The following ROBO2 variants were observed in gnomAD, a reference collection of about 807,000 sequenced individuals.
ROBO2 encodes roundabout guidance receptor 2.
ROBO2 carries 53 observed loss-of-function variants against 160.8 expected under a neutral mutation model. The ratio of observed to expected loss-of-function variants is 0.33; its 90% confidence interval spans 0.26 to 0.41. The LOEUF is 0.41. ROBO2 is among the 10% of genes least tolerant of loss of function. The probability of loss-of-function intolerance (pLI) is 1.00; values close to 1 mark genes in which losing one functional copy is unlikely to be tolerated. For missense variants in ROBO2, 1,577 were observed against 1,722.4 expected, an observed-to-expected ratio of 0.92 and a Z score of 1.49; for synonymous variants, 664 against 611.7, an observed-to-expected ratio of 1.09 and a Z score of -1.26.
intron 2 of ROBO2, among the ~76,000 whole-genome samples, chr3:76,337,296 C>G (rs185894467): frequency 1.2e-4 from 19 of 152,228 alleles, no homozygotes; most frequent in African/African-American, 4.6e-4. Context: ...CTAGAAAATA[C>G]TAAAAACTCT....
chr3:76,797,737 C>T (rs1225180149), intron 2 of ROBO2, among the ~76,000 whole-genome samples: 2 of 151,466 alleles, frequency 1.3e-5, no homozygotes, highest in Non-Finnish European at 2.9e-5. Context: ...AAAAGGGAGA[C>T]ATTAAAATTG....
chr3:76,060,881 A>G (rs569327793), intron 2 of ROBO2, among the ~76,000 whole-genome samples: 10 of 152,268 alleles, frequency 6.6e-5, no homozygotes, highest in African/African-American at 2.2e-4. Context: ...TCTCATGATC[A>G]TCCCTGTTCC....
chr3:76,519,340 G>A (rs1413232254), intron 2 of ROBO2, among the ~76,000 whole-genome samples: 2 of 152,122 alleles, frequency 1.3e-5, no homozygotes, highest in Admixed American at 1.3e-4. Flanking sequence ...AGTATGAATT[G>A]CAAAGCTGAA....
At chr3:77,123,895 A>G (rs1337029937) in intron 2 of ROBO2, among the ~76,000 whole-genome samples, 2 of 134,458 alleles carry the variant, frequency 1.5e-5, no homozygotes, top group Non-Finnish European at 3.3e-5. Flanking sequence ...ATAGATACAC[A>G]TATCTATGTA....
intron 5 of ROBO2, among the ~76,000 whole-genome samples, chr3:77,500,410 G>C (rs971439773): frequency 6.6e-6 from 1 of 152,096 alleles, no homozygotes; most frequent in Admixed American, 6.6e-5. Flanking sequence ...TTTTAAATGA[G>C]AGGGCATGAT....
chr3:76,745,853 T>C (rs1451611128), intron 2 of ROBO2, among the ~76,000 whole-genome samples: 1 of 150,272 alleles, frequency 6.7e-6, no homozygotes, highest in African/African-American at 2.4e-5. Context: ...ATTATTATAC[T>C]TTAAGTTTTA....
At chr3:77,299,368 C>G (rs1453564224) in intron 2 of ROBO2, among the ~76,000 whole-genome samples, 2 of 152,058 alleles carry the variant, frequency 1.3e-5, no homozygotes, top group Non-Finnish European at 2.9e-5. Context: ...TTAGTTTGTT[C>G]TCACGCTGCT....
chr3:77,620,952 C>T (rs1233622408), intron 22 of ROBO2, among the ~76,000 whole-genome samples: 7 of 152,142 alleles, frequency 4.6e-5, no homozygotes, highest in Admixed American at 4.6e-4. Context: ...GTAGTACACT[C>T]ACTTTTTAAT....
chr3:76,193,864 G>C (rs1702122938), intron 2 of ROBO2, among the ~76,000 whole-genome samples: 2 of 152,118 alleles, frequency 1.3e-5, no homozygotes, highest in African/African-American at 4.8e-5. Context: ...TTTTATTGAA[G>C]AACTATGTGT....
chr3:76,435,997 T>C (rs2076657438), intron 2 of ROBO2, among the ~76,000 whole-genome samples: 1 of 152,100 alleles, frequency 6.6e-6, no homozygotes, highest in Non-Finnish European at 1.5e-5. Flanking sequence ...TTATTCTCTA[T>C]TCTATCCTGG....
At chr3:76,911,270 A>T (rs1218941938) in intron 2 of ROBO2, among the ~76,000 whole-genome samples, 2 of 152,200 alleles carry the variant, frequency 1.3e-5, no homozygotes, top group African/African-American at 4.8e-5. Context: ...ATCTGACATA[A>T]CCTTTCCTTT....
At chr3:75,926,171 C>G (rs1309920076) in intron 1 of ROBO2, among the ~76,000 whole-genome samples, 1 of 152,090 alleles carries the variant, frequency 6.6e-6, no homozygotes, top group Non-Finnish European at 1.5e-5. Context: ...TTTCCTTTTG[C>G]AAGAAATAAA....
At chr3:76,398,074 C>A (rs1240781387) in intron 2 of ROBO2, among the ~76,000 whole-genome samples, 1 of 152,068 alleles carries the variant, frequency 6.6e-6, no homozygotes. Flanking sequence ...TGGAACCAAC[C>A]CAAATGTCCA....
At chr3:77,069,753 C>T (rs2067217025) in intron 1 of ROBO2, among the ~76,000 whole-genome samples, 1 of 152,138 alleles carries the variant, frequency 6.6e-6, no homozygotes, top group South Asian at 2.1e-4. Context: ...GCTCTTCTTG[C>T]ACTGTCTTGA....
intron 2 of ROBO2, among the ~76,000 whole-genome samples, chr3:76,492,469 C>T (rs905629192): frequency 9.2e-5 from 14 of 151,902 alleles, no homozygotes; most frequent in African/African-American, 1.9e-4. Flanking sequence ...CCTTCACTTC[C>T]GGTTTCCAGG....
intron 2 of ROBO2, among the ~76,000 whole-genome samples, chr3:76,999,888 T>C (rs1423152454): frequency 6.6e-6 from 1 of 152,106 alleles, no homozygotes; most frequent in Non-Finnish European, 1.5e-5. Flanking sequence ...TTCTTAAAAA[T>C]TGGTAAAGTT....
At chr3:76,006,175 AGTT>A (rs1475835633) in intron 2 of ROBO2, among the ~76,000 whole-genome samples, 3 of 152,034 alleles carry the variant, frequency 2.0e-5, no homozygotes, top group Admixed American at 1.3e-4. Context: ...TGAATCATCA[AGTT>A]GTTCTTGAAT....
intron 2 of ROBO2, among the ~76,000 whole-genome samples, chr3:76,511,455 T>A (rs2081083782): frequency 6.6e-6 from 1 of 152,192 alleles, no homozygotes; most frequent in Non-Finnish European, 1.5e-5. Context: ...CAGCTGAAAT[T>A]CTCATCAAAA....
intron 2 of ROBO2, among the ~76,000 whole-genome samples, chr3:77,154,068 G>C (rs1427427751): frequency 6.6e-6 from 1 of 151,810 alleles, no homozygotes; most frequent in African/African-American, 2.4e-5. Context: ...TCAGATATCA[G>C]AAAAAGCAGT....
Sources: allele counts gnomAD v4.1 joint callset (sites outside exome capture counted in the v4.1 genomes callset), GRCh38; gene constraint gnomAD v4.1.1; transcripts MANE v1.5; gene names NCBI Gene and HGNC (gene_info 2026-07-23, HGNC 2026-07-21).